Variants in GLI3 observed in about 807,000 individuals in gnomAD.
GLI3 encodes the protein transcription activator GLI3.
Under a neutral mutation model 100.8 loss-of-function variants are expected in GLI3, and 20 were observed. The observed-to-expected ratio is 0.20, with a 90% CI of 0.14 to 0.29. GLI3 has a LOEUF of 0.29. Ranked by LOEUF, GLI3 falls within the 10% of genes least tolerant of loss-of-function variation. The pLI is 1.00. For missense variants in GLI3, 2,040 were observed against 2,128.5 expected, an observed-to-expected ratio of 0.96 and a Z score of 0.82; for synonymous variants, 938 against 860.5, an observed-to-expected ratio of 1.09 and a Z score of -1.58.
At chr7:42,131,533 G>A (rs1184029711) in intron 3 of GLI3, among the ~76,000 whole-genome samples, 1 of 152,178 alleles carries the variant, frequency 6.6e-6, no homozygotes, top group African/African-American at 2.4e-5. Flanking sequence ...GTTCAACACA[G>A]AGAATTTCCA....
rs544218450 is a variant in GLI3 at position 42,056,521 on chromosome 7, G to A, written c.474-7825C>T. ...GGTGAGGGCTAGAATATTGCTTAAC[G>A]TATGCATTAATGCTAAGGTGATGAA... On this transcript the variant is annotated intron_variant, in intron 4 of 14. Transcript: ENST00000395925. 7.6e-4 allele frequency among the ~76,000 whole-genome samples: 116 copies of A among 152,292 alleles called. 1 individual carries two copies. Among genetic ancestry groups the A allele is most frequent in the Admixed American group, 1.6e-3 (25 of 15,290 alleles).
intron 2 of GLI3, among the ~76,000 whole-genome samples, chr7:42,199,268 G>C (rs1320479201): frequency 6.6e-6 from 1 of 152,146 alleles, no homozygotes; most frequent in African/African-American, 2.4e-5. Flanking sequence ...GCCTGCTTTG[G>C]AGCAGATGAA....
rs1554337069 is a variant in GLI3, at chr7:42,182,662, A to ATATATATATATATACATGTGTGTGTG, written c.125-34195_125-34194insCACACACACATGTATATATATATATA. Among the ~76,000 whole-genome samples the ATATATATATATATACATGTGTGTGTG allele has an allele frequency of 6.4e-4, 49 of 76,708 alleles. 2 individuals carry two copies. Among genetic ancestry groups the ATATATATATATATACATGTGTGTGTG allele is most frequent in the Non-Finnish European group, 8.5e-4 (34 of 39,810 alleles). 50.3% of individuals were successfully genotyped at this position (76,708 alleles called of 152,430 possible). On this transcript the variant is annotated intron_variant, in intron 2 of 14. Coordinates refer to ENST00000395925, the MANE Select transcript of GLI3 (RefSeq NM_000168.6). ...TGTGTGTGTATATATATATATATAT[A>ATATATATATATATACATGTGTGTGTG]TATATATATATATATATATACACAT... is the stretch of plus-strand genomic sequence containing the variant.
At position 41,972,336 on chromosome 7, in the gene GLI3, C is replaced by A; in HGVS notation, c.2103+1G>T. On this transcript the variant is annotated splice_donor_variant, in intron 13 of 14. Transcript: ENST00000395925. LOFTEE classifies it high-confidence loss of function. The surrounding 1 kb of genome is among the most constrained non-coding windows in gnomAD (Gnocchi z 4.4). ...AGTCAGAAGGAGAGTGAATGACATA[C>A]CATTGGCTTCTCTGCCTTGACGGTT... is the stretch of plus-strand genomic sequence containing the variant. The A allele has an allele frequency of 1.2e-6, 2 of 1,613,604 alleles. No homozygotes were observed. Among genetic ancestry groups the A allele is most frequent in the Non-Finnish European group, 1.7e-6 (2 of 1,179,660 alleles).
chr7:41,987,868 T>C (rs1164812763), intron 10 of GLI3, among the ~76,000 whole-genome samples: 1 of 152,224 alleles, frequency 6.6e-6, no homozygotes, highest in African/African-American at 2.4e-5. Context: ...ACATAATTTA[T>C]CTAGCTGACC....
chr7:41,987,921 T>C (rs552379505), intron 10 of GLI3, among the ~76,000 whole-genome samples: 1 of 152,340 alleles, frequency 6.6e-6, no homozygotes, highest in African/African-American at 2.4e-5. Context: ...AGGCTCAAAC[T>C]CATATAAATA....
chr7:42,140,253 C>T (rs1482471481), intron 3 of GLI3, among the ~76,000 whole-genome samples: 3 of 152,210 alleles, frequency 2.0e-5, no homozygotes, highest in South Asian at 2.1e-4. Flanking sequence ...ATTGACTTTT[C>T]GATGGCCTAA....
intron 3 of GLI3, among the ~76,000 whole-genome samples, chr7:42,133,770 C>T (rs1398195288): frequency 1.3e-5 from 2 of 151,476 alleles, no homozygotes; most frequent in Admixed American, 6.6e-5. Context: ...TGCACCATTA[C>T]CAAAAGGAAA....
intron 2 of GLI3, among the ~76,000 whole-genome samples, chr7:42,193,061 C>T (rs1787860160): frequency 2.0e-5 from 3 of 152,104 alleles, no homozygotes; most frequent in Admixed American, 2.0e-4. Context: ...GGGAAACGAC[C>T]ACATCAAAAA....
rs571530506 is a variant in GLI3 at position 42,243,466 on chromosome 7, A to G, written c.-42-20171T>C. Among the ~76,000 whole-genome samples the G allele has an allele frequency of 1.1e-4, 16 of 152,342 alleles. No homozygotes were observed. The East Asian group carries it at 3.1e-3, about 29-fold the overall frequency. On this transcript the variant is annotated intron_variant, in intron 1 of 2. Coordinates refer to the GLI3 transcript ENST00000678978. ...TGGTGCTTTAATATTGATCAGATGC[A>G]TATAAAAGAGAACAGGCCTGGATTT...
chr7:42,124,186 A>G (rs956171689), intron 3 of GLI3, among the ~76,000 whole-genome samples: 1 of 152,248 alleles, frequency 6.6e-6, no homozygotes, highest in South Asian at 2.1e-4. Flanking sequence ...AACACACCAC[A>G]AAACAATCCT....
chr7:42,183,921 G>A (rs1447838594), intron 2 of GLI3, among the ~76,000 whole-genome samples: 1 of 152,120 alleles, frequency 6.6e-6, no homozygotes, highest in Non-Finnish European at 1.5e-5. Context: ...CATGGAAATC[G>A]GGAGCCAGAA....
chr7:42,242,897 C>A (rs1041628669), intron 1 of GLI3, among the ~76,000 whole-genome samples: 1 of 152,154 alleles, frequency 6.6e-6, no homozygotes, highest in Admixed American at 6.5e-5. Flanking sequence ...GGGGGCCACC[C>A]ACCTGGGAAT....
At chr7:42,057,316 G>C (rs1379608458) in intron 4 of GLI3, among the ~76,000 whole-genome samples, 2 of 152,188 alleles carry the variant, frequency 1.3e-5, no homozygotes, top group Non-Finnish European at 2.9e-5. Context: ...CCACTAGAGT[G>C]GCTAAAATTA....
At chr7:41,995,479 G>C (rs1056550376) in intron 10 of GLI3, among the ~76,000 whole-genome samples, 1 of 152,148 alleles carries the variant, frequency 6.6e-6, no homozygotes, top group East Asian at 1.9e-4. Flanking sequence ...GGGTTTTCCT[G>C]ATGTTCAGAG....
intron 10 of GLI3, among the ~76,000 whole-genome samples, chr7:41,996,369 T>C (rs1788126238): frequency 6.6e-6 from 1 of 152,224 alleles, no homozygotes; most frequent in East Asian, 1.9e-4. Context: ...TGGTCTTCAC[T>C]GAGCATCAGC....
At chr7:42,180,448 T>C (rs1787570178) in intron 2 of GLI3, among the ~76,000 whole-genome samples, 1 of 152,216 alleles carries the variant, frequency 6.6e-6, no homozygotes, top group Admixed American at 6.5e-5. Context: ...GCTGGTGAGA[T>C]GAACATGGTC....
At chr7:42,032,016 T>C (rs1789309675) in intron 7 of GLI3, among the ~76,000 whole-genome samples, 1 of 152,192 alleles carries the variant, frequency 6.6e-6, no homozygotes, top group Non-Finnish European at 1.5e-5. Context: ...TGGTTCTTGT[T>C]TCTTAGCATT....
intron 1 of GLI3, among the ~76,000 whole-genome samples, chr7:42,258,405 T>C (rs976263005): frequency 2.6e-5 from 4 of 152,242 alleles, no homozygotes; most frequent in Non-Finnish European, 5.9e-5. Flanking sequence ...ATCTGTCTAA[T>C]CTTTGTATTG....
Sources: allele counts gnomAD v4.1 joint callset (sites outside exome capture counted in the v4.1 genomes callset), GRCh38; gene constraint gnomAD v4.1.1; non-coding constraint Gnocchi (gnomAD v3.1); transcripts MANE v1.5; gene names NCBI Gene and HGNC (gene_info 2026-07-23, HGNC 2026-07-21).